NID1: variants seen among roughly 807,000 people sequenced by gnomAD.
The protein encoded by NID1 is nidogen-1.
Under a neutral mutation model 130.6 loss-of-function variants are expected in NID1, and 76 were observed. That is an observed-to-expected ratio of 0.58 (90% confidence interval 0.48 to 0.70). The LOEUF (loss-of-function observed/expected upper bound fraction) is 0.70, where lower values mean the gene tolerates loss of function less well. Among genes scored for constraint, NID1 ranks in the 30% least tolerant of loss-of-function variants. The pLI is 0.00. For missense variants in NID1, 1,517 were observed against 1,664.8 expected (o/e 0.91, Z 1.54); for synonymous variants, 665 against 675.1 (o/e 0.98, Z 0.23).
chr1:236,018,516 G>A (rs1239003115), intron 9 of NID1, among the ~76,000 whole-genome samples: 2 of 152,214 alleles, frequency 1.3e-5, no homozygotes, highest in Non-Finnish European at 2.9e-5. Context: ...TACCACTTGT[G>A]TAAGGCTGGT....
intron 12 of NID1, among the ~76,000 whole-genome samples, chr1:235,999,936 G>C (rs536707809): frequency 6.6e-6 from 1 of 152,144 alleles, no homozygotes; most frequent in East Asian, 1.9e-4. Flanking sequence ...AGAACAGGCC[G>C]GGCCCTGTGG....
Position 235,990,943 on chromosome 1 carries a change from C to A in NID1, c.2871G>T (p.Leu957=), listed in dbSNP as rs144047545. The A allele has an allele frequency of 3.7e-6, 6 of 1,614,042 alleles. No individual in the cohort carries two copies. In the South Asian group the frequency reaches 6.6e-5, roughly 18 times the overall value. The change falls in exon 14 of 20, where the codon CTG becomes CTT. Residue 957 remains leucine (L), a synonymous_variant. Coordinates refer to ENST00000264187, the MANE Select transcript of NID1 (RefSeq NM_002508.3). ...LFAQTGKIER[L]PLEGNTMRKT... ...TCCTCATGGTATTTCCCTCCAGGGG[C>A]AGGCGCTCAATCTTCCCAGTCTGGG...
intron 17 of NID1, 71 bp from the exon 18 acceptor site, chr1:235,980,016 G>GT (rs1191895264): frequency 5.9e-6 from 9 of 1,528,158 alleles, no homozygotes; most frequent in Non-Finnish European, 8.1e-6. Flanking sequence ...AAAAACAAGA[G>GT]TAATGAGGGC....
rs776009963 is a variant in NID1 at position 236,024,058 on chromosome 1, C to T, written c.2128+12G>A. 1 of 1,613,360 alleles carries T rather than the reference C, an allele frequency of 6.2e-7. No homozygotes were observed. The highest frequency in any genetic ancestry group is 8.5e-7 in the Non-Finnish European group (1 of 1,179,812). ...TTTCCCAGCCCCAACAAGTCAGAAT[C>T]AAAGGCTGTACCATAGCAGGTTCGC... On this transcript the variant is annotated intron_variant, in intron 9 of 19. Transcript: ENST00000264187.
chr1:236,040,107 C>T (rs1332617276), intron 4 of NID1, among the ~76,000 whole-genome samples: 1 of 152,080 alleles, frequency 6.6e-6, no homozygotes, highest in East Asian at 1.9e-4. Flanking sequence ...GTGATGGCTT[C>T]ACAAATGAGA....
At chr1:236,015,667 A>AAAAAAG (rs56840631) in intron 10 of NID1, among the ~76,000 whole-genome samples, 2 of 149,840 alleles carry the variant, frequency 1.3e-5, no homozygotes. Flanking sequence ...AAAAAAAAAA[A>AAAAAAG]GGGAGGCTAG....
At chr1:236,023,946 A>G in intron 9 of NID1, 124 bp downstream of exon 9, 2 of 1,272,102 alleles carry the variant, frequency 1.6e-6, no homozygotes, top group Non-Finnish European at 2.2e-6. Flanking sequence ...CAGGCCTGGC[A>G]TGTCCACCAG....
intron 1 of NID1, among the ~76,000 whole-genome samples, chr1:236,050,041 A>G (rs58888525): frequency 0.011 from 774 of 71,156 alleles, 7 homozygotes; most frequent in Middle Eastern, 0.044. Flanking sequence ...ATCTCAGGGG[A>G]AAAAAAAAAA....
intron 14 of NID1, among the ~76,000 whole-genome samples, chr1:235,989,320 T>C (rs1657661739): frequency 6.6e-6 from 1 of 152,216 alleles, no homozygotes; most frequent in Non-Finnish European, 1.5e-5. Flanking sequence ...CCTCTCCCCT[T>C]GGTCTTGGGA....
At chr1:236,040,151 A>G (rs189024269) in intron 4 of NID1, among the ~76,000 whole-genome samples, 1 of 152,282 alleles carries the variant, frequency 6.6e-6, no homozygotes, top group African/African-American at 2.4e-5. Context: ...TGGAGACAGG[A>G]TGGAACTCAA....
chr1:236,037,809 C>G (rs1051078962), intron 5 of NID1, among the ~76,000 whole-genome samples: 13 of 152,200 alleles, frequency 8.5e-5, no homozygotes, highest in Admixed American at 2.6e-4. Flanking sequence ...AACACTACGG[C>G]CTTTGTGGCC....
At chr1:235,991,116 C>CAA (rs11404777) in intron 13 of NID1, 58 bp from the exon 14 acceptor site, 1 of 1,235,590 alleles carries the variant, frequency 8.1e-7, no homozygotes, top group African/African-American at 2.4e-5. Context: ...CACACAGATG[C>CAA]ACACACACAC....
At position 236,038,104 on chromosome 1, in the gene NID1, C is replaced by T. The variant is rs1429012973; in HGVS notation, c.1285G>A (p.Gly429Ser). Reference protein sequence around the residue: ...TGNGRQCVAEGSPQRVNGKVK... With the variant: ...TGNGRQCVAESSPQRVNGKVK... ...AAACGAACATAGAAAAGCAAATTAC[C>T]TTCTGCAACACATTGCCTGCCATTG... The change falls in exon 5 of 20, where the codon GGT (glycine) becomes AGT (serine). Residue 429 changes from glycine (G) to serine (S), a missense_variant and splice_region_variant. Coordinates refer to ENST00000264187, the MANE Select transcript of NID1 (RefSeq NM_002508.3). 1 of 1,592,816 alleles carries T rather than the reference C, an allele frequency of 6.3e-7. No individual in the cohort carries two copies.
At chr1:236,055,128 C>A (rs1413479937) in intron 1 of NID1, among the ~76,000 whole-genome samples, 1 of 150,500 alleles carries the variant, frequency 6.6e-6, no homozygotes, top group African/African-American at 2.5e-5. Flanking sequence ...CACGGTGAAA[C>A]CCCGTCTCTA....
At chr1:236,012,240 A>T (rs1229578504) in intron 11 of NID1, among the ~76,000 whole-genome samples, 197 bp from the exon 12 acceptor site, 1 of 152,174 alleles carries the variant, frequency 6.6e-6, no homozygotes, top group Non-Finnish European at 1.5e-5. Flanking sequence ...AATGTGTTTC[A>T]CTTTGGCAGC....
intron 5 of NID1, among the ~76,000 whole-genome samples, chr1:236,034,962 G>C (rs553219975): frequency 6.8e-6 from 1 of 147,726 alleles, no homozygotes; most frequent in Non-Finnish European, 1.5e-5. Flanking sequence ...ACAGGTTCTC[G>C]GCAGAGTTTT....
At chr1:236,017,400 T>TTC in intron 9 of NID1, 127 bp from the exon 10 acceptor site, 196 of 1,031,054 alleles carry the variant, frequency 1.9e-4, no homozygotes, top group Non-Finnish European at 2.0e-4. Flanking sequence ...TTTTTTTTTT[T>TTC]CCGAGATGGA....
chr1:235,985,754 G>GTGTGTA (rs1553341470), intron 14 of NID1, among the ~76,000 whole-genome samples: 76 of 149,240 alleles, frequency 5.1e-4, no homozygotes, highest in African/African-American at 1.5e-3. Flanking sequence ...GTGTGTGTGT[G>GTGTGTA]TATATATATG....
In NID1 at chr1:236,042,192, C is replaced by T; in HGVS notation, c.853G>A (p.Asp285Asn). ...VPADVILGTE[D>N]GAEYDDEDED... ...TCCTCATCATCATACTCTGCCCCATCTTCAGTTCCGAGGATCACGTCTGCA... is the reference window on the plus strand; with the variant it reads ...TCCTCATCATCATACTCTGCCCCATTTTCAGTTCCGAGGATCACGTCTGCA... The change falls in exon 4 of 20, where the codon GAT (aspartate) becomes AAT (asparagine). Residue 285 changes from aspartate (D) to asparagine (N), a missense_variant. By Grantham distance (23) the Asp-to-Asn change is conservative. Coordinates refer to ENST00000264187, the MANE Select transcript of NID1 (RefSeq NM_002508.3). 3 of 1,613,938 alleles carry T rather than the reference C, an allele frequency of 1.9e-6. No individual in the cohort carries two copies. Among genetic ancestry groups the T allele is most frequent in the Non-Finnish European group, 2.5e-6 (3 of 1,180,040 alleles).
Sources: allele counts gnomAD v4.1 joint callset (sites outside exome capture counted in the v4.1 genomes callset), GRCh38; gene constraint gnomAD v4.1.1; transcripts MANE v1.5; gene names NCBI Gene and HGNC (gene_info 2026-07-23, HGNC 2026-07-21).